Variants in SHROOM3 observed in about 807,000 individuals in gnomAD.
The protein encoded by SHROOM3 is shroom family member 3.
Under a neutral mutation model 138.6 loss-of-function variants are expected in SHROOM3, and 47 were observed. That is an observed-to-expected ratio of 0.34 (90% CI 0.27 to 0.43). The LOEUF (loss-of-function observed/expected upper bound fraction) is 0.43, where lower values mean the gene tolerates loss of function less well. Ranked by LOEUF, SHROOM3 falls within the 20% of genes least tolerant of loss-of-function variation. The pLI, the probability that SHROOM3 is intolerant of heterozygous loss-of-function variation, is 1.00. For synonymous variants in SHROOM3, 1,062 were observed against 1,063.3 expected (o/e 1.00, Z 0.02); for missense variants, 2,491 against 2,596.5 (o/e 0.96, Z 0.88).
chr4:76,653,652 G>A (rs939331774), intron 2 of SHROOM3, among the ~76,000 whole-genome samples: 7 of 152,082 alleles, frequency 4.6e-5, no homozygotes, highest in South Asian at 2.1e-4. Context: ...TGCAACCTCC[G>A]CCTCCTGGGC....
intron 1 of SHROOM3, among the ~76,000 whole-genome samples, chr4:76,464,879 G>T (rs4241593): frequency 3.3e-5 from 5 of 151,960 alleles, no homozygotes; most frequent in Non-Finnish European, 7.4e-5. Context: ...GCTTCCTGTA[G>T]AGCCTGCAGG....
At chr4:76,476,413 C>G (rs551632879) in intron 1 of SHROOM3, among the ~76,000 whole-genome samples, 1 of 152,304 alleles carries the variant, frequency 6.6e-6, no homozygotes, top group East Asian at 1.9e-4. Flanking sequence ...AATGCTCATA[C>G]ATTCATTATT....
intron 4 of SHROOM3, among the ~76,000 whole-genome samples, chr4:76,733,083 C>G (rs896159080): frequency 2.0e-5 from 3 of 152,116 alleles, no homozygotes; most frequent in African/African-American, 7.2e-5. Context: ...CTTTGAGCAT[C>G]CTTACTCCTA....
At chr4:76,475,257 T>C (rs1731463161) in intron 1 of SHROOM3, among the ~76,000 whole-genome samples, 1 of 152,216 alleles carries the variant, frequency 6.6e-6, no homozygotes, top group South Asian at 2.1e-4. Flanking sequence ...ATTTTGGTTG[T>C]GTTTACTAAT....
At chr4:76,742,235 C>A in intron 5 of SHROOM3, 2 of 378,992 alleles carry the variant, frequency 5.3e-6, no homozygotes, top group Non-Finnish European at 4.9e-6. Flanking sequence ...TAGGGATTAT[C>A]TTTTTTGTTT....
At chr4:76,642,672 A>G (rs1255417459) in intron 2 of SHROOM3, among the ~76,000 whole-genome samples, 1 of 152,208 alleles carries the variant, frequency 6.6e-6, no homozygotes. Flanking sequence ...GCCGAACTGT[A>G]AAGAGATAAA....
intron 2 of SHROOM3, among the ~76,000 whole-genome samples, chr4:76,670,850 G>A (rs1175925292): frequency 6.6e-6 from 1 of 152,180 alleles, no homozygotes; most frequent in East Asian, 1.9e-4. Flanking sequence ...ATACTTGGGA[G>A]ATTGAAGTGG....
At chr4:76,579,862 G>A (rs1264547251) in intron 2 of SHROOM3, among the ~76,000 whole-genome samples, 8 of 152,112 alleles carry the variant, frequency 5.3e-5, no homozygotes, top group Non-Finnish European at 1.2e-4. Flanking sequence ...ATCCTAAATC[G>A]GGGAAGAGAA....
chr4:76,461,377 G>GA (rs1731139404), intron 1 of SHROOM3, among the ~76,000 whole-genome samples: 1 of 152,156 alleles, frequency 6.6e-6, no homozygotes, highest in East Asian at 1.9e-4. Context: ...GACTTTCATG[G>GA]AAAATCATAG....
intron 1 of SHROOM3, among the ~76,000 whole-genome samples, chr4:76,544,780 TG>T (rs1408174681): frequency 1.3e-5 from 2 of 152,350 alleles, no homozygotes; most frequent in East Asian, 3.9e-4. Context: ...CTAGTTGTAT[TG>T]GTTGTTTGCA....
chr4:76,455,846 C>T (rs1271736188), intron 1 of SHROOM3, among the ~76,000 whole-genome samples: 3 of 152,014 alleles, frequency 2.0e-5, no homozygotes, highest in African/African-American at 4.8e-5. Flanking sequence ...CTCTTGAAAA[C>T]GTGCATCCCC....
At chr4:76,515,424 C>G (rs1732425262) in intron 1 of SHROOM3, among the ~76,000 whole-genome samples, 1 of 151,754 alleles carries the variant, frequency 6.6e-6, no homozygotes. Flanking sequence ...GAAAACCAAA[C>G]AAGAGAAGAG....
chr4:76,529,843 T>C (rs192085523), intron 1 of SHROOM3, among the ~76,000 whole-genome samples: 115 of 152,324 alleles, frequency 7.5e-4, no homozygotes, highest in African/African-American at 2.6e-3. Context: ...GGAGCTTATA[T>C]AATTTTGCAT....
chr4:76,779,318 G>A lies in SHROOM3; in HGVS notation c.*141G>A. Reference sequence around the variant, plus strand: ...GATGAAAGGAAAAAAATTCTCTCCAGGAGGAAGCCTTTTTCCTTCTTGCCC... The same window carrying A: ...GATGAAAGGAAAAAAATTCTCTCCAAGAGGAAGCCTTTTTCCTTCTTGCCC... On this transcript the variant is annotated 3_prime_UTR_variant, in exon 11 of 11. Coordinates refer to ENST00000296043, the MANE Select transcript of SHROOM3 (RefSeq NM_020859.4). 8.5e-7 allele frequency: 1 copy of A among 1,175,098 alleles called. No homozygotes were observed. The highest frequency in any genetic ancestry group is 1.2e-6 in the Non-Finnish European group (1 of 857,010). The allele number at this position is 1,175,098 out of a possible 1,614,324, so 72.8% of individuals were successfully genotyped here.
At chr4:76,707,805 A>T (rs973500075) in intron 2 of SHROOM3, among the ~76,000 whole-genome samples, 4 of 151,816 alleles carry the variant, frequency 2.6e-5, no homozygotes, top group Non-Finnish European at 5.9e-5. Context: ...TAATATAATG[A>T]ATTTTTAAAA....
At chr4:76,563,772 C>T (rs186795289) in intron 2 of SHROOM3, among the ~76,000 whole-genome samples, 2 of 152,298 alleles carry the variant, frequency 1.3e-5, no homozygotes, top group East Asian at 1.9e-4. Flanking sequence ...AAGGAACTCA[C>T]CTCTGTGCAT....
At chr4:76,772,587 T>C (rs1232194330) in intron 10 of SHROOM3, among the ~76,000 whole-genome samples, 1 of 152,220 alleles carries the variant, frequency 6.6e-6, no homozygotes, top group Non-Finnish European at 1.5e-5. Context: ...ACTCTCAGCA[T>C]CTTCCTCGTG....
At chr4:76,553,735 A>C (rs1236160269) in intron 1 of SHROOM3, among the ~76,000 whole-genome samples, 1 of 150,564 alleles carries the variant, frequency 6.6e-6, no homozygotes, top group Non-Finnish European at 1.5e-5. Context: ...AGGCAATCCA[A>C]ATCCACCTGC....
chr4:76,530,221 G>A (rs1042814794), intron 1 of SHROOM3, among the ~76,000 whole-genome samples: 3 of 152,124 alleles, frequency 2.0e-5, no homozygotes, highest in Non-Finnish European at 4.4e-5. Flanking sequence ...CTGCTGTTTC[G>A]GCAATGGGTT....
Sources: allele counts gnomAD v4.1 joint callset (sites outside exome capture counted in the v4.1 genomes callset), GRCh38; gene constraint gnomAD v4.1.1; transcripts MANE v1.5; gene names NCBI Gene and HGNC (gene_info 2026-07-23, HGNC 2026-07-21).